GCNT1: variants seen among roughly 807,000 people sequenced by gnomAD.
The protein encoded by GCNT1 is glucosaminyl (N-acetyl) transferase 1, also known as beta-1,3-galactosyl-O-glycosyl-glycoprotein beta-1,6-N-acetylglucosaminyltransferase.
Under a neutral mutation model 26.2 loss-of-function variants are expected in GCNT1, and 16 were observed. That is an observed-to-expected ratio of 0.61 (90% confidence interval 0.41 to 0.93). The LOEUF (loss-of-function observed/expected upper bound fraction) is 0.93, where lower values mean the gene tolerates loss of function less well. Among genes scored for constraint, GCNT1 ranks in the 40% least tolerant of loss-of-function variants. The pLI is 0.00. For synonymous variants in GCNT1, 183 were observed against 190.8 expected, an observed-to-expected ratio of 0.96 and a Z score of 0.34; for missense variants, 477 against 526.7, an observed-to-expected ratio of 0.91 and a Z score of 0.92.
chr9:76,479,527 T>C (rs1333578187), intron 2 of GCNT1, among the ~76,000 whole-genome samples: 2 of 152,220 alleles, frequency 1.3e-5, no homozygotes, highest in Non-Finnish European at 1.5e-5. Flanking sequence ...CACCTGTTGT[T>C]ACCTGACTTT....
At chr9:76,397,172 C>G in the GCNT1 span, among the ~76,000 whole-genome samples, 1 of 152,166 alleles carries the variant, frequency 6.6e-6, no homozygotes, top group East Asian at 1.9e-4. Flanking sequence ...ATCCCAGCTA[C>G]TCGGGAGACT....
upstream of GCNT1, chr9:76,419,732 T>C (rs1367094285): frequency 6.6e-6 from 1 of 152,208 alleles, no homozygotes; most frequent in African/African-American, 2.4e-5. Flanking sequence ...GTGGTGGAGA[T>C]CATACTGCTA....
At chr9:76,423,477 A>G (rs1029727184) in intron 1 of GCNT1, among the ~76,000 whole-genome samples, 1 of 152,238 alleles carries the variant, frequency 6.6e-6, no homozygotes. Flanking sequence ...TAGTCTTCAA[A>G]ACTGTAAGCC....
At chr9:76,397,180 A>G in the GCNT1 span, among the ~76,000 whole-genome samples, 7 of 152,108 alleles carry the variant, frequency 4.6e-5, no homozygotes, top group Admixed American at 3.3e-4. Flanking sequence ...TACTCGGGAG[A>G]CTGGGGCGGA....
At chr9:76,460,977 C>T (rs898010446) in intron 2 of GCNT1, among the ~76,000 whole-genome samples, 3 of 152,098 alleles carry the variant, frequency 2.0e-5, no homozygotes, top group African/African-American at 7.2e-5. Flanking sequence ...ACTCCTTTTC[C>T]GTTTGTAATT....
At chr9:76,452,552 T>G (rs1823688202) in intron 1 of GCNT1, among the ~76,000 whole-genome samples, 1 of 152,040 alleles carries the variant, frequency 6.6e-6, no homozygotes, top group Non-Finnish European at 1.5e-5. Context: ...ACAATCATGA[T>G]GCAAGTTGAA....
chr9:76,428,265 C>CAG (rs1322678781), intron 1 of GCNT1, among the ~76,000 whole-genome samples: 2 of 29,774 alleles, frequency 6.7e-5, no homozygotes, highest in Non-Finnish European at 1.3e-4. Flanking sequence ...GACTCCGTCT[C>CAG]AAAAAAAAAA....
In GCNT1 at chr9:76,494,788, C is replaced by T. The variant is rs190607480; in HGVS notation, c.-289-6128C>T. ...GGTCAGGATAGATAGGATAGATGGG[C>T]GAGTCTCACTTGGGTGATATGACTT... On this transcript the variant is annotated intron_variant, in intron 2 of 3. Coordinates refer to ENST00000376730, the MANE Select transcript of GCNT1 (RefSeq NM_001490.5). Among the ~76,000 whole-genome samples, 27 of 152,212 alleles carry T rather than the reference C, an allele frequency of 1.8e-4. 1 individual carries two copies. In the East Asian group the frequency reaches 4.4e-3, roughly 25 times the overall value.
chr9:76,407,405 CAT>C, the GCNT1 span, among the ~76,000 whole-genome samples: 1 of 152,056 alleles, frequency 6.6e-6, no homozygotes, highest in Non-Finnish European at 1.5e-5. Flanking sequence ...CTTTGTGAAA[CAT>C]AAATTCACTA....
intron 2 of GCNT1, among the ~76,000 whole-genome samples, chr9:76,473,118 G>A (rs568139665): frequency 2.0e-4 from 30 of 152,204 alleles, no homozygotes; most frequent in Admixed American, 1.4e-3. Context: ...CTAGCCTGAA[G>A]ACCTAGTAAT....
At position 76,487,894 on chromosome 9, in the gene GCNT1, G is replaced by A. The variant is rs1236865690; in HGVS notation, c.-289-13022G>A. Among the ~76,000 whole-genome samples, 5 of 152,044 alleles carry A rather than the reference G, an allele frequency of 3.3e-5. No individual in the cohort carries two copies. In the South Asian group the frequency reaches 8.3e-4, roughly 25 times the overall value. On this transcript the variant is annotated intron_variant, in intron 2 of 3. Coordinates refer to ENST00000376730, the MANE Select transcript of GCNT1 (RefSeq NM_001490.5). ...GGACTACAGGTGCACACCACCACAC[G>A]CAGATAATTTCATATTTTTTGTAGA...
chr9:76,400,736 C>T, the GCNT1 span, among the ~76,000 whole-genome samples: 2 of 152,204 alleles, frequency 1.3e-5, no homozygotes, highest in Non-Finnish European at 2.9e-5. Flanking sequence ...GTCAGGTATG[C>T]TTGACAATGC....
At chr9:76,501,429 A>G (rs11144928) in intron 3 of GCNT1, among the ~76,000 whole-genome samples, 45,373 of 152,152 alleles carry the variant, frequency 0.3, 8,121 homozygotes, top group East Asian at 0.62. Context: ...TACAATTTGT[A>G]TACACTATTG....
chr9:76,406,431 A>G, the GCNT1 span, among the ~76,000 whole-genome samples: 1 of 151,638 alleles, frequency 6.6e-6, no homozygotes, highest in African/African-American at 2.4e-5. Flanking sequence ...TAGGAGATCA[A>G]GGCTACAGTG....
chr9:76,466,006 A>G (rs1823985960), intron 2 of GCNT1, among the ~76,000 whole-genome samples: 1 of 152,128 alleles, frequency 6.6e-6, no homozygotes. Context: ...AAAGATGAGG[A>G]GTAGACAGTT....
intron 1 of GCNT1, among the ~76,000 whole-genome samples, chr9:76,436,206 C>T (rs1233005470): frequency 6.6e-6 from 1 of 151,736 alleles, no homozygotes; most frequent in Non-Finnish European, 1.5e-5. Flanking sequence ...CCTACCTCGG[C>T]CTCCATCTTA....
Position 76,469,576 on chromosome 9 carries a change from T to C in GCNT1, c.-290+9399T>C, listed in dbSNP as rs544385652. 1.8e-4 allele frequency among the ~76,000 whole-genome samples: 28 copies of C among 152,338 alleles called. No homozygotes were observed. In the South Asian group the frequency reaches 3.5e-3, roughly 19 times the overall value. On this transcript the variant is annotated intron_variant, in intron 2 of 3. Transcript: ENST00000376730. ...ACTGCACTCTCTTCTGGTCCGTGTT[T>C]GTTACGGCTTGAGCTGAGCTTTTGC...
At chr9:76,467,894 A>G (rs1174164242) in intron 2 of GCNT1, among the ~76,000 whole-genome samples, 4 of 120,110 alleles carry the variant, frequency 3.3e-5, no homozygotes, top group Non-Finnish European at 5.0e-5. Context: ...TCCCTCTTTC[A>G]GTGTTTTTTT....
At chr9:76,499,615 C>T (rs1825007425) in intron 2 of GCNT1, among the ~76,000 whole-genome samples, 1 of 152,094 alleles carries the variant, frequency 6.6e-6, no homozygotes, top group Admixed American at 6.6e-5. Context: ...CTGAGTTTAT[C>T]CTCTTTGGCG....
Sources: gnomAD v4.1 joint callset for allele counts (sites outside exome capture counted in the v4.1 genomes callset) on GRCh38, gnomAD v4.1.1 for gene constraint, MANE v1.5 for transcripts, NCBI Gene and HGNC (gene_info 2026-07-23, HGNC 2026-07-21) for gene names.